COL5A2: variants seen among roughly 807,000 people sequenced by gnomAD.
COL5A2 encodes collagen type V alpha 2 chain.
COL5A2 carries 23 observed loss-of-function variants against 208.2 expected under a neutral mutation model. The observed-to-expected ratio is 0.11, with a 90% confidence interval of 0.08 to 0.16. The LOEUF (loss-of-function observed/expected upper bound fraction) is 0.16, where lower values mean the gene tolerates loss of function less well. COL5A2 is among the 10% of genes least tolerant of loss of function. The pLI is 1.00. For synonymous variants in COL5A2, 625 were observed against 628.5 expected, an observed-to-expected ratio of 0.99 and a Z score of 0.08; for missense variants, 1,590 against 1,956.4, an observed-to-expected ratio of 0.81 and a Z score of 3.53.
the COL5A2 span, among the ~76,000 whole-genome samples, chr2:189,340,450 C>T: frequency 6.6e-6 from 1 of 152,288 alleles, no homozygotes; most frequent in South Asian, 2.1e-4. Flanking sequence ...GTTTACAACT[C>T]CAAGGAATCT....
At chr2:189,209,225 T>G (rs1333349290) in intron 1 of COL5A2, among the ~76,000 whole-genome samples, 2 of 152,316 alleles carry the variant, frequency 1.3e-5, no homozygotes, top group East Asian at 3.9e-4. Context: ...TCAGTTTGGC[T>G]TCTGTTGCTC....
chr2:189,170,198 T>C (rs778506354), intron 1 of COL5A2, among the ~76,000 whole-genome samples: 1 of 152,092 alleles, frequency 6.6e-6, no homozygotes, highest in African/African-American at 2.4e-5. Flanking sequence ...ATAAAAAAAA[T>C]TGCCCGAGAA....
chr2:189,056,681 C>A, intron 35 of COL5A2: 1 of 460,652 alleles, frequency 2.2e-6, no homozygotes, highest in Non-Finnish European at 4.0e-6. Flanking sequence ...CAGAAATAAA[C>A]CTTGTGTATG....
the COL5A2 span, among the ~76,000 whole-genome samples, chr2:189,396,891 T>A: frequency 6.8e-6 from 1 of 146,672 alleles, no homozygotes; most frequent in African/African-American, 2.6e-5. Context: ...ACTCAGAGGC[T>A]GAGACAGGAG....
At chr2:189,078,653 A>AGTGG in intron 15 of COL5A2, 84 bp from the exon 16 acceptor site, 1 of 1,105,260 alleles carries the variant, frequency 9.0e-7, no homozygotes, top group Non-Finnish European at 1.4e-6. Context: ...AATCCAATTG[A>AGTGG]GATTCAAGAT....
the COL5A2 span, among the ~76,000 whole-genome samples, chr2:189,254,170 A>C: frequency 1.1e-4 from 16 of 152,358 alleles, no homozygotes; most frequent in East Asian, 3.1e-3. Context: ...GCCCTTGGGC[A>C]CTTTATTATT....
the COL5A2 span, among the ~76,000 whole-genome samples, chr2:189,293,448 G>C: frequency 2.0e-5 from 3 of 152,106 alleles, no homozygotes; most frequent in Admixed American, 1.3e-4. Context: ...GAATTTTCCA[G>C]TAGGATAGAA....
At chr2:189,042,659 G>C in intron 49 of COL5A2, 61 bp downstream of exon 49, 1 of 1,471,236 alleles carries the variant, frequency 6.8e-7, no homozygotes, top group Admixed American at 1.7e-5. Flanking sequence ...TCAAGCATTA[G>C]CAGTACATCA....
At chr2:189,269,883 A>G in the COL5A2 span, among the ~76,000 whole-genome samples, 4 of 152,046 alleles carry the variant, frequency 2.6e-5, no homozygotes, top group Middle Eastern at 3.4e-3. Context: ...TTTTTGTAGT[A>G]GGCCATTAAT....
chr2:189,060,821 GT>G, intron 30 of COL5A2, 38 bp from the exon 31 acceptor site: 1 of 1,526,240 alleles, frequency 6.6e-7, no homozygotes, highest in East Asian at 2.3e-5. Context: ...GTGAATCTGT[GT>G]AAGTTTAACA....
the COL5A2 span, among the ~76,000 whole-genome samples, chr2:189,360,468 T>A: frequency 6.6e-6 from 1 of 152,196 alleles, no homozygotes; most frequent in African/African-American, 2.4e-5. Context: ...ATTTTTAATT[T>A]CTTTTTTTAT....
rs759604513 is a variant in COL5A2 at position 189,110,263 on chromosome 2, A to T, written c.284T>A (p.Val95Asp). 9.3e-6 allele frequency: 15 copies of T among 1,614,018 alleles called. No homozygotes were observed. Among genetic ancestry groups the T allele is most frequent in the Non-Finnish European group, 9.3e-6 (11 of 1,180,012 alleles). Residue 95 changes from valine (V) to aspartate (D), a missense_variant, in exon 2 of 54, where the codon GTC becomes GAC. By Grantham distance (152) the Val-to-Asp change is radical. Transcript: ENST00000374866. Reference protein sequence around the residue: ...PVTPPGECCPVCSQTPGGGNT... With the variant: ...PVTPPGECCPDCSQTPGGGNT... ...GCCACCTCCAGGTGTTTGTGAACAG[A>T]CAGGACAGCATTCCCCAGGGGGCGT... is the stretch of plus-strand genomic sequence containing the variant.
At position 189,052,984 on chromosome 2, in the gene COL5A2, G is replaced by T; in HGVS notation, c.2588C>A (p.Pro863His). The change falls in exon 39 of 54, where the codon CCT (proline) becomes CAT (histidine). Residue 863 changes from proline to histidine, a missense_variant. Transcript: ENST00000374866. ...PDGQPGVKGE[P>H]GEPGQKGDAG... ...ATCTCCCTTCTGTCCTGGCTCTCCAGGTTCACCTTTTACTCCAGGCTGTCC... is the reference window on the plus strand; with the variant it reads ...ATCTCCCTTCTGTCCTGGCTCTCCATGTTCACCTTTTACTCCAGGCTGTCC... The T allele has an allele frequency of 6.2e-7, 1 of 1,614,046 alleles. No homozygotes were observed. The highest frequency in any genetic ancestry group is 1.1e-5 in the South Asian group (1 of 91,074).
At chr2:189,035,496 C>T (rs533314922) in intron 52 of COL5A2, among the ~76,000 whole-genome samples, 1 of 151,682 alleles carries the variant, frequency 6.6e-6, no homozygotes, top group Non-Finnish European at 1.5e-5. Context: ...TTAGAATTAA[C>T]TAGTAGTATA....
the COL5A2 span, among the ~76,000 whole-genome samples, chr2:189,362,821 T>G: frequency 1.3e-5 from 2 of 152,030 alleles, no homozygotes; most frequent in Admixed American, 6.6e-5. Flanking sequence ...GAAAAATATT[T>G]TAAGATACCA....
upstream of COL5A2, among the ~76,000 whole-genome samples, chr2:189,226,775 A>G (rs985945967): frequency 6.6e-6 from 1 of 152,132 alleles, no homozygotes; most frequent in African/African-American, 2.4e-5. Context: ...CATGTCCAAC[A>G]GTCCAGCTTT....
chr2:189,354,073 G>T, the COL5A2 span, among the ~76,000 whole-genome samples: 1 of 152,140 alleles, frequency 6.6e-6, no homozygotes, highest in African/African-American at 2.4e-5. Context: ...TTTAGGTGAT[G>T]GATTAAGTTT....
At chr2:189,314,830 G>C in the COL5A2 span, among the ~76,000 whole-genome samples, 1 of 152,034 alleles carries the variant, frequency 6.6e-6, no homozygotes, top group Admixed American at 6.6e-5. Context: ...AGAAAATCTA[G>C]AAAAAATAGA....
At chr2:189,135,610 T>C (rs936026528) in intron 1 of COL5A2, among the ~76,000 whole-genome samples, 8 of 152,166 alleles carry the variant, frequency 5.3e-5, no homozygotes, top group South Asian at 2.1e-4. Flanking sequence ...CTTCAAGTAG[T>C]TGCAAACACT....
Sources: allele counts gnomAD v4.1 joint callset (sites outside exome capture counted in the v4.1 genomes callset), GRCh38; gene constraint gnomAD v4.1.1; transcripts MANE v1.5; gene names NCBI Gene and HGNC (gene_info 2026-07-23, HGNC 2026-07-21).